Variants in SERPINA3 observed in about 807,000 individuals in gnomAD.
SERPINA3 encodes the protein serpin family A member 3.
Under a neutral mutation model 26.8 loss-of-function variants are expected in SERPINA3, and 32 were observed. The observed-to-expected ratio is 1.20, with a 90% CI of 0.90 to 1.61. SERPINA3 has a LOEUF of 1.61. SERPINA3 is among the 40% of genes most tolerant of loss of function. The pLI, the probability that SERPINA3 is intolerant of heterozygous loss-of-function variation, is 0.00. For missense variants in SERPINA3, 632 were observed against 517.9 expected (o/e 1.22, Z -2.14); for synonymous variants, 252 against 206.4 (o/e 1.22, Z -1.89).
chr14:94,619,442 G>A lies in SERPINA3; in HGVS notation c.891G>A (p.Lys297=). ...VEAMLLPETL[K]RWRDSLEFRE... ...CCATGCTGCTCCCAGAGACCCTGAA[G>A]CGGTGGAGAGACTCTCTGGAGTTCA... The change falls in exon 3 of 5, where the codon AAG becomes AAA. Residue 297 remains lysine (K), a synonymous_variant. Transcript: ENST00000393078. 1 of 1,614,154 alleles carries A rather than the reference G, an allele frequency of 6.2e-7. No individual in the cohort carries two copies. The highest frequency in any genetic ancestry group is 1.1e-5 in the South Asian group (1 of 91,080).
chr14:94,615,163 G>A, intron 2 of SERPINA3, 79 bp downstream of exon 2: 1 of 1,510,808 alleles, frequency 6.6e-7, no homozygotes, highest in South Asian at 1.1e-5. Context: ...GGTGTTATTA[G>A]GCAAACCACT....
chr14:94,620,543 T>C (rs894330997), intron 3 of SERPINA3, among the ~76,000 whole-genome samples: 1 of 151,818 alleles, frequency 6.6e-6, no homozygotes, highest in African/African-American at 2.4e-5. Context: ...TTTGGAGGAG[T>C]GCTGCGATCC....
Position 94,613,537 on chromosome 14 carries a change from A to G in SERPINA3, c.-8-897A>G, listed in dbSNP as rs1885865564. The G allele has an allele frequency of 5.9e-5, 9 of 152,320 alleles. No homozygotes were observed. In the South Asian group the frequency reaches 1.9e-3, roughly 32 times the overall value. 9.4% of individuals were successfully genotyped at this position (152,320 alleles called of 1,614,324 possible). ...TATGAACCAGGTGCCTTCATCATTT[A>G]TCTCACCTGAGCCACTTAACAGGTT... On this transcript the variant is annotated intron_variant, in intron 1 of 4. Coordinates refer to ENST00000393078, the MANE Select transcript of SERPINA3 (RefSeq NM_001085.5).
intron 1 of SERPINA3, among the ~76,000 whole-genome samples, chr14:94,613,173 C>T (rs1308921330): frequency 6.7e-6 from 1 of 149,122 alleles, no homozygotes; most frequent in East Asian, 2.0e-4. Flanking sequence ...TCCTTCCCCT[C>T]CTTCCCCTCC....
Position 94,622,389 on chromosome 14 carries a change from T to C in SERPINA3, c.966T>C (p.Tyr322=). Residue 322 remains tyrosine (Y), a synonymous_variant, in exon 4 of 5, where the codon TAT becomes TAC. Coordinates refer to ENST00000393078, the MANE Select transcript of SERPINA3 (RefSeq NM_001085.5). The part of the protein sequence containing the change: ...YLPKFSISRD[Y]NLNDILLQLG... ...CAAAGTTTTCCATCTCGAGGGACTA[T>C]AACCTGAACGACATACTTCTCCAGC... 4 of 1,613,938 alleles carry C rather than the reference T, an allele frequency of 2.5e-6. No homozygotes were observed. The highest frequency in any genetic ancestry group is 3.4e-6 in the Non-Finnish European group (4 of 1,179,890).
intron 4 of SERPINA3, 55 bp from the exon 5 acceptor site, chr14:94,623,556 G>A (rs564238187): frequency 1.2e-5 from 19 of 1,538,620 alleles, no homozygotes; most frequent in South Asian, 4.5e-5. Flanking sequence ...CAGGCAGGTC[G>A]CTGAACTCCT....
chr14:94,615,902 A>C (rs574721918), intron 2 of SERPINA3, among the ~76,000 whole-genome samples: 2 of 152,212 alleles, frequency 1.3e-5, no homozygotes, highest in Non-Finnish European at 2.9e-5. Context: ...AAAAAGAGAT[A>C]GGGACACAAA....
rs148556633 is a variant in SERPINA3, at chr14:94,619,421, G to T, written c.870G>T (p.Met290Ile). ...DQDKMEEVEA[M>I]LLPETLKRWR... ...ACAAGATGGAGGAAGTGGAAGCCAT[G>T]CTGCTCCCAGAGACCCTGAAGCGGT... Residue 290 changes from methionine (M) to isoleucine (I), a missense_variant, in exon 3 of 5, where the codon ATG becomes ATT. Met to Ile is a conservative substitution (Grantham distance 10, BLOSUM62 1). Coordinates refer to ENST00000393078, the MANE Select transcript of SERPINA3 (RefSeq NM_001085.5). The T allele has an allele frequency of 2.0e-4, 316 of 1,614,168 alleles. No individual in the cohort carries two copies. In the African/African-American group the frequency reaches 3.9e-3, roughly 20 times the overall value.
chr14:94,616,480 C>A (rs1480796416), intron 2 of SERPINA3, among the ~76,000 whole-genome samples: 3 of 152,140 alleles, frequency 2.0e-5, no homozygotes, highest in Non-Finnish European at 4.4e-5. Context: ...TGGAGGGGAC[C>A]GAGCATGCAT....
rs748483352 is a variant in SERPINA3 at position 94,623,658 on chromosome 14, A to T, written c.1116A>T (p.Ala372=). 1 of 1,614,060 alleles carries T rather than the reference A, an allele frequency of 6.2e-7. No homozygotes were observed. The highest frequency in any genetic ancestry group is 8.5e-7 in the Non-Finnish European group (1 of 1,180,030). The change falls in exon 5 of 5, where the codon GCA becomes GCT. Residue 372 remains alanine, a synonymous_variant. Coordinates refer to ENST00000393078, the MANE Select transcript of SERPINA3 (RefSeq NM_001085.5). ...ATGTATTTGAGGAGGGCACAGAAGC[A>T]TCTGCTGCCACAGCAGTCAAAATCA... ...VLDVFEEGTE[A]SAATAVKITL...
intron 2 of SERPINA3, 136 bp downstream of exon 2, chr14:94,615,220 C>T: frequency 1.1e-6 from 1 of 947,346 alleles, no homozygotes. Context: ...GCATCAAGGC[C>T]CCACCCTGCC....
intron 2 of SERPINA3, 81 bp downstream of exon 2, chr14:94,615,165 C>G: frequency 6.7e-7 from 1 of 1,496,084 alleles, no homozygotes; most frequent in South Asian, 1.1e-5. Context: ...TGTTATTAGG[C>G]AAACCACTGT....
At chr14:94,623,143 A>G (rs1297104996) in intron 4 of SERPINA3, among the ~76,000 whole-genome samples, 2 of 152,220 alleles carry the variant, frequency 1.3e-5, no homozygotes, top group East Asian at 3.9e-4. Context: ...AGTACTTGAA[A>G]GCCCCAAGGA....
intron 2 of SERPINA3, 122 bp downstream of exon 2, chr14:94,615,206 A>C: frequency 9.0e-7 from 1 of 1,111,550 alleles, no homozygotes; most frequent in Non-Finnish European, 1.4e-6. Context: ...TGGGGGCAGC[A>C]TAAGCATCAA....
chr14:94,619,418 C>T lies in SERPINA3; in HGVS notation c.867C>T (p.Ala289=), dbSNP rs773729599. ...PDQDKMEEVE[A]MLLPETLKRW... ...AAGACAAGATGGAGGAAGTGGAAGCCATGCTGCTCCCAGAGACCCTGAAGC... is the reference window on the plus strand; with the variant it reads ...AAGACAAGATGGAGGAAGTGGAAGCTATGCTGCTCCCAGAGACCCTGAAGC... The change falls in exon 3 of 5, where the codon GCC becomes GCT. Residue 289 remains alanine, a synonymous_variant. Coordinates refer to ENST00000393078, the MANE Select transcript of SERPINA3 (RefSeq NM_001085.5). The T allele has an allele frequency of 5.6e-6, 9 of 1,614,040 alleles. No homozygotes were observed. In the African/African-American group the frequency reaches 1.1e-4, roughly 19 times the overall value.
At chr14:94,621,416 A>T (rs2139963896) in intron 3 of SERPINA3, among the ~76,000 whole-genome samples, 1 of 152,190 alleles carries the variant, frequency 6.6e-6, no homozygotes, top group East Asian at 1.9e-4. Flanking sequence ...ACGGACAAAC[A>T]CATGAATGAA....
At position 94,614,619 on chromosome 14, in the gene SERPINA3, C is replaced by T; in HGVS notation, c.178C>T (p.Leu60=). 1 of 1,614,154 alleles carries T rather than the reference C, an allele frequency of 6.2e-7. No homozygotes were observed. Among genetic ancestry groups the T allele is most frequent in the Non-Finnish European group, 8.5e-7 (1 of 1,180,022 alleles). Reference sequence around the variant, plus strand: ...CGCCAACGTGGACTTCGCTTTCAGCCTGTACAAGCAGTTAGTCCTGAAGGC... The same window carrying T: ...CGCCAACGTGGACTTCGCTTTCAGCTTGTACAAGCAGTTAGTCCTGAAGGC... ...ASANVDFAFS[L]YKQLVLKAPD... The change falls in exon 2 of 5, where the codon CTG becomes TTG. Residue 60 remains leucine, a synonymous_variant. Transcript: ENST00000393078.
chr14:94,621,030 T>C (rs1247287717), intron 3 of SERPINA3, among the ~76,000 whole-genome samples: 1 of 152,164 alleles, frequency 6.6e-6, no homozygotes, highest in African/African-American at 2.4e-5. Context: ...TGAGGTATTG[T>C]ATGTTGAAGC....
In SERPINA3 at chr14:94,623,964, C is replaced by G. The variant is rs943827719; in HGVS notation, c.*150C>G. Reference sequence around the variant, plus strand: ...TATCCTTGGAAGGTGACAGCGATTCCCTGTGTAGCTCTCACATGCACAGGG... The same window carrying G: ...TATCCTTGGAAGGTGACAGCGATTCGCTGTGTAGCTCTCACATGCACAGGG... On this transcript the variant is annotated 3_prime_UTR_variant, in exon 5 of 5. Coordinates refer to ENST00000393078, the MANE Select transcript of SERPINA3 (RefSeq NM_001085.5). 6.7e-6 allele frequency: 5 copies of G among 740,746 alleles called. No homozygotes were observed. In the African/African-American group the frequency reaches 8.6e-5, roughly 13 times the overall value. The allele number at this position is 740,746 out of a possible 1,614,324, so 45.9% of individuals were successfully genotyped here. A position where few individuals can be genotyped will look rare whatever the true frequency, so the allele number is the denominator to read the frequency against.
Sources: gnomAD v4.1 joint callset for allele counts (sites outside exome capture counted in the v4.1 genomes callset) on GRCh38, gnomAD v4.1.1 for gene constraint, MANE v1.5 for transcripts, NCBI Gene and HGNC (gene_info 2026-07-23, HGNC 2026-07-21) for gene names.